Variants in PCDH15 observed in about 807,000 individuals in gnomAD.
PCDH15 encodes protocadherin-15.
Under a neutral mutation model 178.5 loss-of-function variants are expected in PCDH15, and 129 were observed. That is an observed-to-expected ratio of 0.72 (90% confidence interval 0.63 to 0.84). The LOEUF is 0.84. Among genes scored for constraint, PCDH15 ranks in the 40% least tolerant of loss-of-function variants. PCDH15 has a pLI of 0.00. For synonymous variants in PCDH15, 800 were observed against 732.0 expected (o/e 1.09, Z -1.50); for missense variants, 2,230 against 2,099.9 (o/e 1.06, Z -1.21).
intron 2 of PCDH15, among the ~76,000 whole-genome samples, chr10:55,520,338 A>ACATGCAATGTG (rs1351551541): frequency 7.1e-6 from 1 of 141,076 alleles, no homozygotes; most frequent in Non-Finnish European, 1.5e-5. Context: ...ATATATATAT[A>ACATGCAATGTG]TATATATATA....
intron 2 of PCDH15, among the ~76,000 whole-genome samples, chr10:54,900,664 AC>A (rs200720698): frequency 0.013 from 1,925 of 152,304 alleles, 26 homozygotes; most frequent in Non-Finnish European, 0.02. Context: ...ATTTGCTTAA[AC>A]AAAAAGTTTA....
chr10:55,158,337 T>A (rs2132109821), intron 2 of PCDH15, among the ~76,000 whole-genome samples: 1 of 152,160 alleles, frequency 6.6e-6, no homozygotes, highest in East Asian at 1.9e-4. Context: ...GTGTTAGATG[T>A]AAACAGATGT....
At chr10:54,774,604 T>C (rs944989489) in intron 1 of PCDH15, among the ~76,000 whole-genome samples, 5 of 152,192 alleles carry the variant, frequency 3.3e-5, no homozygotes, top group African/African-American at 4.8e-5. Flanking sequence ...ATAAAACTTA[T>C]GTTTTAACAA....
At position 53,986,172 on chromosome 10, in the gene PCDH15, AAAC is replaced by A. The variant is rs534253865; in HGVS notation, c.2868+9474_2868+9476del. ...GGATTTGAATAACTTTTTCAAAAAA[AAAC>A]AACAACATACACACTCGACATACAA... On this transcript the variant is annotated intron_variant, in intron 21 of 37. Coordinates refer to ENST00000644397, the MANE Select transcript of PCDH15 (RefSeq NM_001384140.1). 4.1e-3 allele frequency among the ~76,000 whole-genome samples: 619 copies of A among 152,298 alleles called. 6 individuals carry two copies. Among genetic ancestry groups the A allele is most frequent in the African/African-American group, 0.014 (573 of 41,552 alleles).
At chr10:54,858,608 C>T (rs1472603209) in intron 3 of PCDH15, among the ~76,000 whole-genome samples, 1 of 151,964 alleles carries the variant, frequency 6.6e-6, no homozygotes, top group African/African-American at 2.4e-5. Context: ...AGAATGCTAC[C>T]AGGATGGCAA....
At chr10:54,175,289 G>A (rs2047333214) in intron 13 of PCDH15, among the ~76,000 whole-genome samples, 1 of 152,100 alleles carries the variant, frequency 6.6e-6, no homozygotes, top group African/African-American at 2.4e-5. Flanking sequence ...ATTGTCAAGA[G>A]ACATTAAAAT....
intron 28 of PCDH15, among the ~76,000 whole-genome samples, chr10:53,856,413 G>A (rs186501662): frequency 1.5e-4 from 23 of 152,064 alleles, no homozygotes; most frequent in Non-Finnish European, 3.4e-4. Context: ...AGTCTACACT[G>A]TTAAGGAGGC....
intron 17 of PCDH15, among the ~76,000 whole-genome samples, chr10:54,075,689 G>A (rs1208580179): frequency 1.3e-5 from 2 of 152,124 alleles, no homozygotes; most frequent in Non-Finnish European, 2.9e-5. Context: ...TATGATGTTA[G>A]ATAAGGTCCA....
intron 3 of PCDH15, among the ~76,000 whole-genome samples, chr10:54,520,656 C>T (rs1425762727): frequency 2.0e-5 from 3 of 151,572 alleles, no homozygotes; most frequent in Admixed American, 6.6e-5. Flanking sequence ...GTCAGTGTGG[C>T]GATTCCTCAG....
chr10:53,962,538 GTAA>G (rs1459230983), intron 21 of PCDH15, among the ~76,000 whole-genome samples: 1 of 152,170 alleles, frequency 6.6e-6, no homozygotes, highest in African/African-American at 2.4e-5. Context: ...GAAGATGATA[GTAA>G]TAATGGTAAG....
chr10:54,348,545 G>A (rs1249683081), intron 5 of PCDH15, among the ~76,000 whole-genome samples: 3 of 152,104 alleles, frequency 2.0e-5, no homozygotes, highest in Admixed American at 6.5e-5. Flanking sequence ...TTATGTAGCT[G>A]TACTTTGATA....
intron 2 of PCDH15, among the ~76,000 whole-genome samples, chr10:54,566,614 T>A (rs1360064228): frequency 1.3e-5 from 2 of 152,136 alleles, no homozygotes; most frequent in African/African-American, 4.8e-5. Context: ...CATATTGCCT[T>A]TTTCCATTTG....
chr10:54,721,437 G>A (rs753752504), intron 1 of PCDH15, among the ~76,000 whole-genome samples: 6 of 151,780 alleles, frequency 4.0e-5, no homozygotes, highest in Non-Finnish European at 8.8e-5. Flanking sequence ...CCAATTAACA[G>A]CTAGTTCTTT....
At chr10:54,589,937 A>C (rs1400092525) in intron 2 of PCDH15, among the ~76,000 whole-genome samples, 1 of 152,074 alleles carries the variant, frequency 6.6e-6, no homozygotes, top group East Asian at 1.9e-4. Context: ...CTTGACATGA[A>C]ATTCTGTGTA....
chr10:53,840,365 A>G lies in PCDH15; in HGVS notation c.3938T>C (p.Ile1313Thr), dbSNP rs147250420. 7 of 1,614,056 alleles carry G rather than the reference A, an allele frequency of 4.3e-6. No individual in the cohort carries two copies. The East Asian group carries it at 8.9e-5, about 21-fold the overall frequency. The change falls in exon 29 of 38, where the codon ATT (isoleucine) becomes ACT (threonine). Residue 1313 changes from isoleucine to threonine, a missense_variant. Physicochemically the swap from Ile to Thr is moderately conservative, Grantham distance 89. Coordinates refer to ENST00000644397, the MANE Select transcript of PCDH15 (RefSeq NM_001384140.1). ...GATGGCTCTGTTGGTTTGGGGGTCA[A>G]TTGCATAGACAGTCAAGTCACATTT... Reference protein sequence around the residue: ...YTKCDLTVYAIDPQTNRAIDR... With the variant: ...YTKCDLTVYATDPQTNRAIDR...
intron 23 of PCDH15, among the ~76,000 whole-genome samples, chr10:53,945,288 A>T (rs2086443909): frequency 6.6e-6 from 1 of 152,042 alleles, no homozygotes; most frequent in Admixed American, 6.6e-5. Flanking sequence ...TTGTATTCTT[A>T]TTTATTTTTT....
intron 2 of PCDH15, among the ~76,000 whole-genome samples, chr10:55,018,972 T>C (rs939495003): frequency 3.9e-5 from 6 of 152,268 alleles, no homozygotes; most frequent in Admixed American, 6.5e-5. Flanking sequence ...TCAAGTATCA[T>C]AACAAAAACC....
intron 2 of PCDH15, among the ~76,000 whole-genome samples, chr10:54,537,311 C>G (rs926757298): frequency 6.6e-6 from 1 of 151,842 alleles, no homozygotes; most frequent in East Asian, 1.9e-4. Flanking sequence ...AATTTGTTTT[C>G]TTTTAGATAT....
At chr10:55,612,785 C>T (rs1327792349) in intron 2 of PCDH15, among the ~76,000 whole-genome samples, 1 of 152,156 alleles carries the variant, frequency 6.6e-6, no homozygotes, top group Non-Finnish European at 1.5e-5. Flanking sequence ...CTCTACTAAT[C>T]TATGTCTTAG....
Sources: gnomAD v4.1 joint callset for allele counts (sites outside exome capture counted in the v4.1 genomes callset) on GRCh38, gnomAD v4.1.1 for gene constraint, MANE v1.5 for transcripts, NCBI Gene and HGNC (gene_info 2026-07-23, HGNC 2026-07-21) for gene names.